The following DPP10 variants were observed in gnomAD, a reference collection of about 807,000 sequenced individuals.
The protein encoded by DPP10 is dipeptidyl peptidase like 10.
A neutral mutation model predicts 120.9 loss-of-function variants in DPP10; 33 were observed. The ratio of observed to expected loss-of-function variants is 0.27; its 90% CI spans 0.21 to 0.37. The LOEUF (loss-of-function observed/expected upper bound fraction) is 0.37, where lower values mean the gene tolerates loss of function less well. DPP10 is among the 10% of genes least tolerant of loss of function. The pLI is 1.00. For missense variants in DPP10, 816 were observed against 942.8 expected (o/e 0.87, Z 1.76); for synonymous variants, 337 against 326.1 (o/e 1.03, Z -0.36).
intron 1 of DPP10, among the ~76,000 whole-genome samples, chr2:115,105,669 T>A (rs570708864): frequency 6.6e-6 from 1 of 152,348 alleles, no homozygotes; most frequent in East Asian, 1.9e-4. Flanking sequence ...ATCAATATGA[T>A]TCTGCACATG....
At chr2:115,379,220 C>T (rs1446214904) in intron 3 of DPP10, among the ~76,000 whole-genome samples, 1 of 152,206 alleles carries the variant, frequency 6.6e-6, no homozygotes, top group African/African-American at 2.4e-5. Context: ...ATTATTGCCA[C>T]AATTTCAGAT....
chr2:115,763,737 A>G (rs1051944002), intron 12 of DPP10, among the ~76,000 whole-genome samples: 2 of 152,132 alleles, frequency 1.3e-5, no homozygotes, highest in African/African-American at 2.4e-5. Context: ...AATTGTTGCT[A>G]CTAACATTCC....
intron 1 of DPP10, among the ~76,000 whole-genome samples, chr2:114,896,108 A>C (rs533188003): frequency 2.1e-4 from 32 of 151,958 alleles, no homozygotes; most frequent in African/African-American, 5.8e-4. Flanking sequence ...TGTTTTGGTA[A>C]CAGTACCATG....
intron 1 of DPP10, among the ~76,000 whole-genome samples, chr2:115,059,836 CT>C (rs142748719): frequency 6.6e-6 from 1 of 151,886 alleles, no homozygotes; most frequent in Admixed American, 6.6e-5. Flanking sequence ...CCTTACTGAT[CT>C]TTTTTGTTTA....
intron 3 of DPP10, among the ~76,000 whole-genome samples, chr2:115,444,659 A>G (rs1250432847): frequency 6.6e-6 from 1 of 152,200 alleles, no homozygotes; most frequent in Non-Finnish European, 1.5e-5. Flanking sequence ...TTTAGACTAT[A>G]GGTGGTCCTG....
chr2:114,973,718 G>C (rs978844127), intron 1 of DPP10, among the ~76,000 whole-genome samples: 2 of 149,862 alleles, frequency 1.3e-5, no homozygotes, highest in African/African-American at 4.9e-5. Context: ...AGGTCTCTTA[G>C]GAGGTATTTC....
At chr2:115,228,671 C>T (rs980289183) in intron 1 of DPP10, among the ~76,000 whole-genome samples, 8 of 152,028 alleles carry the variant, frequency 5.3e-5, no homozygotes, top group African/African-American at 1.9e-4. Context: ...ACATAATGAC[C>T]TCCTGTTCCA....
chr2:114,571,530 C>T (rs191055530), intron 1 of DPP10, among the ~76,000 whole-genome samples: 24 of 152,174 alleles, frequency 1.6e-4, no homozygotes, highest in Middle Eastern at 3.4e-3. Flanking sequence ...CTTTAACATA[C>T]GTGTAATGCC....
chr2:115,286,794 A>G (rs941349554), intron 1 of DPP10, among the ~76,000 whole-genome samples: 1 of 151,618 alleles, frequency 6.6e-6, no homozygotes, highest in Non-Finnish European at 1.5e-5. Context: ...GAACATGATC[A>G]CTGAGAAAGT....
chr2:115,626,137 G>T lies in DPP10; in HGVS notation c.442-63550G>T, dbSNP rs548570652. Among the ~76,000 whole-genome samples the T allele has an allele frequency of 4.0e-5, 6 of 151,756 alleles. No individual in the cohort carries two copies. In the South Asian group the frequency reaches 8.3e-4, roughly 21 times the overall value. On this transcript the variant is annotated intron_variant, in intron 5 of 25. Transcript: ENST00000410059. ...GGATAGAGGGAATAAGAATCGGAAT[G>T]TAAGTTCCTTGAAAGCAAGAAACTT...
intron 1 of DPP10, among the ~76,000 whole-genome samples, chr2:115,060,123 T>G (rs1223050233): frequency 6.6e-6 from 1 of 151,706 alleles, no homozygotes; most frequent in Non-Finnish European, 1.5e-5. Flanking sequence ...TATAGTTTAG[T>G]GCAGTGCCAG....
At chr2:115,522,011 G>T (rs758498848) in intron 4 of DPP10, among the ~76,000 whole-genome samples, 3 of 152,064 alleles carry the variant, frequency 2.0e-5, no homozygotes, top group African/African-American at 4.8e-5. Flanking sequence ...TTCAAAACTG[G>T]CAAGCTTGTA....
intron 3 of DPP10, among the ~76,000 whole-genome samples, chr2:115,390,428 C>A (rs985438392): frequency 6.6e-6 from 1 of 152,160 alleles, no homozygotes; most frequent in Non-Finnish European, 1.5e-5. Context: ...ACAGCTGTAT[C>A]TTCATGAGTC....
chr2:114,822,335 C>T (rs560733640), intron 1 of DPP10, among the ~76,000 whole-genome samples: 30 of 152,282 alleles, frequency 2.0e-4, no homozygotes, highest in Non-Finnish European at 3.1e-4. Flanking sequence ...ACAAATGGAG[C>T]GACCGAGACA....
At chr2:115,696,790 T>G (rs1164409355) in intron 7 of DPP10, among the ~76,000 whole-genome samples, 3 of 152,068 alleles carry the variant, frequency 2.0e-5, no homozygotes, top group African/African-American at 7.2e-5. Flanking sequence ...TATTTAAAAT[T>G]TTTAGTCTAA....
intron 1 of DPP10, among the ~76,000 whole-genome samples, chr2:114,544,394 T>A (rs12711798): frequency 0.5 from 76,428 of 152,002 alleles, 19,683 homozygotes; most frequent in Admixed American, 0.57. Flanking sequence ...ACTAATAAAG[T>A]ATGTTTCTTG....
intron 1 of DPP10, among the ~76,000 whole-genome samples, chr2:114,625,743 C>T (rs1348891219): frequency 6.6e-6 from 1 of 151,910 alleles, no homozygotes; most frequent in Non-Finnish European, 1.5e-5. Flanking sequence ...CATCTTTGGG[C>T]AGTGAAAGCT....
intron 3 of DPP10, among the ~76,000 whole-genome samples, chr2:115,449,101 C>G (rs1439514669): frequency 6.6e-6 from 1 of 151,928 alleles, no homozygotes; most frequent in African/African-American, 2.4e-5. Context: ...CAAAGTAACC[C>G]ATGTATTTGA....
chr2:114,481,417 C>T (rs1166104029), intron 1 of DPP10, among the ~76,000 whole-genome samples: 1 of 151,884 alleles, frequency 6.6e-6, no homozygotes, highest in Non-Finnish European at 1.5e-5. Flanking sequence ...GAGACAACAC[C>T]AAATGCTAAC....
Sources: allele counts gnomAD v4.1 joint callset (sites outside exome capture counted in the v4.1 genomes callset), GRCh38; gene constraint gnomAD v4.1.1; transcripts MANE v1.5; gene names NCBI Gene and HGNC (gene_info 2026-07-23, HGNC 2026-07-21).